Variants in PCDH11Y observed in about 807,000 individuals in gnomAD.
PCDH11Y encodes the protein protocadherin-11 Y-linked.
For synonymous variants in PCDH11Y, 9 were observed against 83.6 expected (o/e 0.11, Z 4.87); for missense variants, 12 against 224.8 (o/e 0.05, Z 6.05).
intron 3 of PCDH11Y, among the ~76,000 whole-genome samples, chrY:5,525,533 A>T (rs2053386776): frequency 3.3e-5 from 1 of 30,762 alleles, no homozygotes; most frequent in Non-Finnish European, 7.8e-5. Flanking sequence ...CTCTATTGGC[A>T]CCTGTAACAG....
intron 1 of PCDH11Y, among the ~76,000 whole-genome samples, chrY:5,090,239 TA>T (rs2052738305): frequency 3.0e-5 from 1 of 33,580 alleles, no homozygotes; most frequent in Non-Finnish European, 7.4e-5. Flanking sequence ...CCTGCTTCTT[TA>T]AAACAATAGT....
At chrY:5,575,261 G>A (rs2053444741) in intron 3 of PCDH11Y, among the ~76,000 whole-genome samples, 1 of 31,586 alleles carries the variant, frequency 3.2e-5, no homozygotes, top group South Asian at 7.5e-4. Flanking sequence ...CCCACAGAAG[G>A]GGGGGAAATA....
At chrY:5,124,358 A>G in intron 2 of PCDH11Y, among the ~76,000 whole-genome samples, 2 of 32,997 alleles carry the variant, frequency 6.1e-5, no homozygotes, top group Non-Finnish European at 1.5e-4. Flanking sequence ...TCTAGTCTCT[A>G]TCCCCTCCAT....
intron 1 of PCDH11Y, among the ~76,000 whole-genome samples, chrY:5,090,810 C>T: frequency 6.1e-5 from 2 of 32,948 alleles, no homozygotes; most frequent in Non-Finnish European, 1.5e-4. Context: ...GCTTTCAAAT[C>T]GGGTTCTGTA....
intron 2 of PCDH11Y, among the ~76,000 whole-genome samples, chrY:5,230,362 T>A: frequency 3.0e-5 from 1 of 33,603 alleles, no homozygotes; most frequent in South Asian, 6.5e-4. Flanking sequence ...TTTGTTTGTC[T>A]GAGAAAGTCT....
At chrY:5,296,387 G>A in intron 2 of PCDH11Y, among the ~76,000 whole-genome samples, 1 of 33,374 alleles carries the variant, frequency 3.0e-5, no homozygotes, top group Non-Finnish European at 7.4e-5. Context: ...TCTGCAACTG[G>A]GGGTGTGGTG....
chrY:5,552,818 A>G, intron 3 of PCDH11Y, among the ~76,000 whole-genome samples: 1 of 31,764 alleles, frequency 3.1e-5, no homozygotes. Context: ...ACAAACAGAT[A>G]TCAACTTCAA....
chrY:5,262,287 A>C, intron 2 of PCDH11Y, among the ~76,000 whole-genome samples: 1 of 31,143 alleles, frequency 3.2e-5, no homozygotes. Context: ...AATAATCATC[A>C]TTCTGACTGG....
At chrY:5,588,513 G>T in intron 4 of PCDH11Y, among the ~76,000 whole-genome samples, 3 of 33,418 alleles carry the variant, frequency 9.0e-5, no homozygotes, top group Non-Finnish European at 2.2e-4. Context: ...CTGAAGGACA[G>T]GTCTGGTGTT....
At chrY:5,347,992 T>C in intron 2 of PCDH11Y, among the ~76,000 whole-genome samples, 1 of 33,299 alleles carries the variant, frequency 3.0e-5, no homozygotes, top group Non-Finnish European at 7.4e-5. Context: ...ATACCATTTC[T>C]ATGCATATGA....
At chrY:5,179,933 G>A in intron 2 of PCDH11Y, among the ~76,000 whole-genome samples, 1 of 31,169 alleles carries the variant, frequency 3.2e-5, no homozygotes, top group East Asian at 8.6e-4. Flanking sequence ...GACAGGTGTA[G>A]TTGTGCAATC....
chrY:5,573,718 A>G lies in PCDH11Y; in HGVS notation c.3329-8057A>G. On this transcript the variant is annotated intron_variant, in intron 3 of 4. Coordinates refer to the PCDH11Y transcript ENST00000400457. ...CTCCGCAAGGTCATTGATGACACCA[A>G]TGTCACTTGACTGCAGCTAGAGACA... 8 of 236,101 alleles carry G rather than the reference A, an allele frequency of 3.4e-5. No homozygotes were observed. In the African/African-American group the frequency reaches 6.2e-4, roughly 18 times the overall value. 58.9% of individuals were successfully genotyped at this position (236,101 alleles called of 400,897 possible). A position where few individuals can be genotyped will look rare whatever the true frequency, so the allele number is the denominator to read the frequency against.
intron 4 of PCDH11Y, among the ~76,000 whole-genome samples, chrY:5,654,755 T>C: frequency 3.1e-5 from 1 of 32,582 alleles, no homozygotes; most frequent in Non-Finnish European, 7.5e-5. Flanking sequence ...AGGAGGGAGA[T>C]GATTAGGAAA....
At chrY:5,012,141 C>T in intron 1 of PCDH11Y, among the ~76,000 whole-genome samples, 1 of 31,848 alleles carries the variant, frequency 3.1e-5, no homozygotes, top group Non-Finnish European at 7.6e-5. Flanking sequence ...TTTCATTACT[C>T]TTAACATTAC....
intron 2 of PCDH11Y, among the ~76,000 whole-genome samples, chrY:5,205,522 AAT>A (rs2052930682): frequency 1.3e-3 from 31 of 23,887 alleles, no homozygotes; most frequent in African/African-American, 4.4e-3. Context: ...ATATACACTG[AAT>A]ATATATATAT....
chrY:5,005,319 T>C, intron 1 of PCDH11Y, among the ~76,000 whole-genome samples: 1 of 33,450 alleles, frequency 3.0e-5, no homozygotes, highest in African/African-American at 1.2e-4. Flanking sequence ...TAATGTAACA[T>C]CCAGAAAAGA....
chrY:5,151,501 A>G (rs2052864326), intron 2 of PCDH11Y, among the ~76,000 whole-genome samples: 1 of 33,076 alleles, frequency 3.0e-5, no homozygotes, highest in East Asian at 8.0e-4. Context: ...GTCCAAATAA[A>G]TGACCAGATA....
At chrY:5,236,838 T>G in intron 2 of PCDH11Y, among the ~76,000 whole-genome samples, 1 of 30,071 alleles carries the variant, frequency 3.3e-5, no homozygotes, top group Non-Finnish European at 7.8e-5. Flanking sequence ...CTAGAAGACC[T>G]CTTACTAGAT....
intron 3 of PCDH11Y, among the ~76,000 whole-genome samples, chrY:5,571,143 G>A (rs2053439050): frequency 3.3e-5 from 1 of 30,007 alleles, no homozygotes; most frequent in African/African-American, 1.3e-4. Context: ...AGTTTTATAA[G>A]TTGTCCATCC....
Sources: allele counts gnomAD v4.1 joint callset (sites outside exome capture counted in the v4.1 genomes callset), GRCh38; gene constraint gnomAD v4.1.1; transcripts MANE v1.5; gene names NCBI Gene and HGNC (gene_info 2026-07-23, HGNC 2026-07-21).